Variants in CDH22 observed in about 807,000 individuals in gnomAD.
CDH22 encodes cadherin-22.
Under a neutral mutation model 58.4 loss-of-function variants are expected in CDH22, and 30 were observed. The observed-to-expected ratio is 0.51, with a 90% CI of 0.38 to 0.70. The LOEUF (loss-of-function observed/expected upper bound fraction) is 0.70. Among genes scored for constraint, CDH22 ranks in the 30% least tolerant of loss-of-function variants. The pLI, the probability that CDH22 is intolerant of heterozygous loss-of-function variation, is 0.00. For missense variants in CDH22, 1,014 were observed against 1,233.9 expected (o/e 0.82, Z 2.67); for synonymous variants, 513 against 558.2 (o/e 0.92, Z 1.14).
Position 46,210,677 on chromosome 20 carries a change from G to A in CDH22, c.1033-117C>T. 2.0e-6 allele frequency: 2 copies of A among 1,023,552 alleles called. No homozygotes were observed. Among genetic ancestry groups the A allele is most frequent in the Non-Finnish European group, 2.7e-6 (2 of 752,302 alleles). 63.4% of individuals were successfully genotyped at this position (1,023,552 alleles called of 1,614,324 possible). A position where few individuals can be genotyped will look rare whatever the true frequency, so the allele number is the denominator to read the frequency against. On this transcript the variant is annotated intron_variant, in intron 6 of 11. Coordinates refer to ENST00000537909, the MANE Select transcript of CDH22 (RefSeq NM_021248.3). This position sits in a 1 kb window ranked among gnomAD's most constrained non-coding sequence, Gnocchi z 4.5. ...AAGGTCACACGTTGTCTCAGCAGGG[G>A]CGGCAGGGATGTTTGGGCTGCATTG...
Position 46,300,189 on chromosome 20 carries a change from T to C in CDH22, c.-400+8066A>G, listed in dbSNP as rs1165576621. 6.6e-6 allele frequency among the ~76,000 whole-genome samples: 1 copy of C among 152,124 alleles called. No homozygotes were observed. Among genetic ancestry groups the C allele is most frequent in the African/African-American group, 2.4e-5 (1 of 41,426 alleles). On this transcript the variant is annotated intron_variant, in intron 1 of 11. Transcript: ENST00000537909. This position sits in a 1 kb window ranked among gnomAD's most constrained non-coding sequence, Gnocchi z 4.4. ...ACCCTAAACACAGCCACTTGGATCC[T>C]AGAAGACGCAGGCCTTGGCAACCTC... is the stretch of plus-strand genomic sequence containing the variant.
chr20:46,250,387 C>T (rs534083243), intron 2 of CDH22, among the ~76,000 whole-genome samples: 23 of 152,156 alleles, frequency 1.5e-4, no homozygotes, highest in Non-Finnish European at 3.2e-4. Context: ...TGGGACCTCA[C>T]GGGGGATGTG....
intron 1 of CDH22, among the ~76,000 whole-genome samples, chr20:46,262,024 C>T (rs914870690): frequency 3.9e-5 from 6 of 152,062 alleles, no homozygotes; most frequent in East Asian, 1.9e-4. Flanking sequence ...GGCATACACA[C>T]GCACCACATC....
chr20:46,227,464 G>GC (rs2145711115), intron 4 of CDH22, 44 bp downstream of exon 4: 97 of 1,351,020 alleles, frequency 7.2e-5, no homozygotes, highest in Non-Finnish European at 8.9e-5. Flanking sequence ...CCCGCCCCTG[G>GC]CCCCGCCCCA....
intron 4 of CDH22, among the ~76,000 whole-genome samples, chr20:46,226,241 CT>C (rs1391173127): frequency 8.8e-4 from 7 of 7,982 alleles, no homozygotes; most frequent in Middle Eastern, 0.038. Context: ...CCTTCTTCTT[CT>C]TCTTCTTCTT....
chr20:46,174,233 A>G lies in CDH22; in HGVS notation c.*273T>C, dbSNP rs528617859. 21 of 449,978 alleles carry G rather than the reference A, an allele frequency of 4.7e-5. No homozygotes were observed. Among genetic ancestry groups the G allele is most frequent in the African/African-American group, 4.4e-4 (21 of 48,080 alleles). The allele number at this position is 449,978 out of a possible 1,614,324, so 27.9% of individuals were successfully genotyped here. A position where few individuals can be genotyped will look rare whatever the true frequency, so the allele number is the denominator to read the frequency against. The stretch of plus-strand genomic sequence containing the variant: ...TTCCCGACTCTGCAACGCCACCCCC[A>G]TCTCCCATTCTAACCCCAGAGCCAC... On this transcript the variant is annotated 3_prime_UTR_variant, in exon 12 of 12. Transcript: ENST00000537909. The surrounding 1 kb of genome is among the most constrained non-coding windows in gnomAD (Gnocchi z 4.4).
rs543024669 is a variant in CDH22, at chr20:46,306,113, A to T, written c.-400+2142T>A. Among the ~76,000 whole-genome samples, 36 of 152,344 alleles carry T rather than the reference A, an allele frequency of 2.4e-4. No individual in the cohort carries two copies. The South Asian group carries it at 6.8e-3, about 29-fold the overall frequency. On this transcript the variant is annotated intron_variant, in intron 1 of 11. Transcript: ENST00000537909. Reference sequence around the variant, plus strand: ...AGGCATTCAACAGCTTTCCTCCGGCACTGGCCTGGGAGCACTGGGGGTCTA... The same window carrying T: ...AGGCATTCAACAGCTTTCCTCCGGCTCTGGCCTGGGAGCACTGGGGGTCTA...
chr20:46,244,183 C>A (rs2086312154), intron 2 of CDH22, among the ~76,000 whole-genome samples: 1 of 152,158 alleles, frequency 6.6e-6, no homozygotes, highest in Admixed American at 6.5e-5. Flanking sequence ...TGACTCAGAC[C>A]CCAGGCAGGG....
At chr20:46,187,050 G>T in intron 8 of CDH22, 103 bp from the exon 9 acceptor site, 1 of 1,279,466 alleles carries the variant, frequency 7.8e-7, no homozygotes, top group South Asian at 1.7e-5. Context: ...GTCATGCTGA[G>T]AAATTTGTGG....
At chr20:46,200,445 A>AT (rs557626664) in intron 7 of CDH22, among the ~76,000 whole-genome samples, 5,264 of 130,476 alleles carry the variant, frequency 0.04, 133 homozygotes, top group Middle Eastern at 0.16. Context: ...CGCCCAGCTA[A>AT]TTTTTTTTTT....
intron 1 of CDH22, among the ~76,000 whole-genome samples, chr20:46,285,572 G>T (rs1320647047): frequency 1.3e-5 from 2 of 152,134 alleles, no homozygotes; most frequent in African/African-American, 4.8e-5. Context: ...TCAAACCTAA[G>T]ATATCAGTAG....
At chr20:46,268,984 T>G (rs1401057840) in intron 1 of CDH22, among the ~76,000 whole-genome samples, 3 of 152,198 alleles carry the variant, frequency 2.0e-5, no homozygotes, top group Admixed American at 2.0e-4. Context: ...CCTGCTTACA[T>G]TCCCCTAGTG....
At chr20:46,228,926 G>C (rs544358536) in intron 3 of CDH22, among the ~76,000 whole-genome samples, 1 of 152,218 alleles carries the variant, frequency 6.6e-6, no homozygotes, top group Non-Finnish European at 1.5e-5. Flanking sequence ...TGGGGCCCTC[G>C]ATCATTCCAG....
intron 2 of CDH22, among the ~76,000 whole-genome samples, chr20:46,244,591 CCCTATTTT>C (rs2086315232): frequency 6.6e-6 from 1 of 152,220 alleles, no homozygotes; most frequent in Admixed American, 6.5e-5. Flanking sequence ...GTAAATGTAT[CCCTATTTT>C]CCAGGTGAAG....
intron 4 of CDH22, 35 bp downstream of exon 4, chr20:46,227,473 C>CA: frequency 2.0e-6 from 3 of 1,515,868 alleles, no homozygotes; most frequent in Non-Finnish European, 2.7e-6. Flanking sequence ...GGCCCCGCCC[C>CA]ACGGCTCCGC....
chr20:46,223,817 T>TCTTCCTTCCTTCCTTCCTTC (rs11287075), intron 4 of CDH22, among the ~76,000 whole-genome samples: 24 of 138,182 alleles, frequency 1.7e-4, no homozygotes, highest in African/African-American at 5.8e-4. Flanking sequence ...TTTCTTCCTT[T>TCTTCCTTCCTTCCTTCCTTC]CTTCCTTCCT....
chr20:46,296,923 C>A (rs2086631532), intron 1 of CDH22, among the ~76,000 whole-genome samples: 1 of 152,198 alleles, frequency 6.6e-6, no homozygotes, highest in Non-Finnish European at 1.5e-5. Flanking sequence ...CAGGTCTCCA[C>A]CCCCAGCCCA....
chr20:46,213,735 T>G (rs1288558784), intron 5 of CDH22, among the ~76,000 whole-genome samples: 1 of 152,226 alleles, frequency 6.6e-6, no homozygotes, highest in Non-Finnish European at 1.5e-5. Flanking sequence ...TTGCTGTTGA[T>G]GTTAACGGTA....
chr20:46,222,894 C>A (rs1344609608), intron 4 of CDH22, among the ~76,000 whole-genome samples: 1 of 152,278 alleles, frequency 6.6e-6, no homozygotes, highest in Non-Finnish European at 1.5e-5. Context: ...TCCCTGCTAT[C>A]TGCACAGCAA....
Sources: allele counts gnomAD v4.1 joint callset (sites outside exome capture counted in the v4.1 genomes callset), GRCh38; gene constraint gnomAD v4.1.1; non-coding constraint Gnocchi (gnomAD v3.1); transcripts MANE v1.5; gene names NCBI Gene and HGNC (gene_info 2026-07-23, HGNC 2026-07-21).